TNC: variants seen among roughly 807,000 people sequenced by gnomAD.
TNC encodes tenascin C, also known as tenascin.
TNC carries 109 observed loss-of-function variants against 202.4 expected under a neutral mutation model. That is an observed-to-expected ratio of 0.54 (90% CI 0.46 to 0.63). TNC has a LOEUF of 0.63. Ranked by LOEUF, TNC falls within the 30% of genes least tolerant of loss-of-function variation. The pLI is 0.00. For missense variants in TNC, 2,756 were observed against 2,833.3 expected, an observed-to-expected ratio of 0.97 and a Z score of 0.62; for synonymous variants, 1,007 against 1,089.7, an observed-to-expected ratio of 0.92 and a Z score of 1.50.
chr9:115,114,116 T>A (rs1837279431), intron 1 of TNC, among the ~76,000 whole-genome samples: 2 of 152,222 alleles, frequency 1.3e-5, no homozygotes. Context: ...TGCAGGAGGC[T>A]GGTCATGTCA....
intron 3 of TNC, 70 bp downstream of exon 3, chr9:115,085,794 G>T: frequency 7.1e-7 from 1 of 1,408,340 alleles, no homozygotes; most frequent in Non-Finnish European, 9.6e-7. Context: ...TATAAACGTA[G>T]TTTTCCAACC....
Position 115,040,910 on chromosome 9 carries a change from C to CACAG in TNC, c.5392+30_5392+31insCTGT, listed in dbSNP as rs771254161. On this transcript the variant is annotated intron_variant, in intron 19 of 27. Transcript: ENST00000350763. The stretch of plus-strand genomic sequence containing the variant: ...AAGTGACCTCTGAAAAATAGTAACA[C>CACAG]ACACACACACACACAACCCCACCAA... 28 of 1,553,994 alleles carry CACAG rather than the reference C, an allele frequency of 1.8e-5. No individual in the cohort carries two copies. In the African/African-American group the frequency reaches 3.0e-4, roughly 17 times the overall value.
chr9:115,077,634 T>C (rs1319363283), intron 7 of TNC, among the ~76,000 whole-genome samples: 1 of 152,262 alleles, frequency 6.6e-6, no homozygotes, highest in Non-Finnish European at 1.5e-5. Flanking sequence ...ATGTTTTCCA[T>C]ATACCATATT....
intron 1 of TNC, among the ~76,000 whole-genome samples, chr9:115,091,701 C>G (rs1020015944): frequency 3.3e-5 from 5 of 152,166 alleles, no homozygotes; most frequent in Non-Finnish European, 1.5e-5. Flanking sequence ...TGCTGGTTCT[C>G]TTCTGTCATG....
intron 25 of TNC, among the ~76,000 whole-genome samples, chr9:115,028,903 A>G (rs1829715365): frequency 7.9e-6 from 1 of 126,890 alleles, no homozygotes; most frequent in Non-Finnish European, 1.6e-5. Context: ...TTTAAATACT[A>G]AAGCTCTCAA....
Position 115,019,750 on chromosome 9 carries a change from C to G in TNC, c.*1407G>C, listed in dbSNP as rs1220489199. On this transcript the variant is annotated 3_prime_UTR_variant, in exon 28 of 28. Coordinates refer to ENST00000350763, the MANE Select transcript of TNC (RefSeq NM_002160.4). ...CAAATGGATAACATAATTTATTCTT[C>G]ACAAAAATGTTCTGAAATGAGAAGT... 1 of 152,164 alleles carries G rather than the reference C, an allele frequency of 6.6e-6. No homozygotes were observed. Among genetic ancestry groups the G allele is most frequent in the Non-Finnish European group, 1.5e-5 (1 of 68,034 alleles). The allele number at this position is 152,164 out of a possible 1,614,324, so 9.4% of individuals were successfully genotyped here. A position where few individuals can be genotyped will look rare whatever the true frequency, so the allele number is the denominator to read the frequency against.
At chr9:115,041,315 A>AGG (rs1830737472) in intron 18 of TNC, among the ~76,000 whole-genome samples, 4 of 122,738 alleles carry the variant, frequency 3.3e-5, no homozygotes, top group Non-Finnish European at 5.2e-5. Flanking sequence ...GGGGCGGGGG[A>AGG]AAACATGAAG....
intron 2 of TNC, among the ~76,000 whole-genome samples, 196 bp from the exon 3 acceptor site, chr9:115,087,469 C>T (rs920392778): frequency 6.6e-6 from 1 of 150,978 alleles, no homozygotes; most frequent in Admixed American, 6.6e-5. Flanking sequence ...GAATTCATAA[C>T]CTGAATTCCC....
chr9:115,043,827 T>C (rs1295271886), intron 17 of TNC, among the ~76,000 whole-genome samples: 1 of 152,256 alleles, frequency 6.6e-6, no homozygotes, highest in Non-Finnish European at 1.5e-5. Flanking sequence ...CTCGCACTAT[T>C]GCTTTGACTG....
chr9:115,056,030 C>T (rs1312374298), intron 15 of TNC, among the ~76,000 whole-genome samples: 1 of 152,160 alleles, frequency 6.6e-6, no homozygotes, highest in African/African-American at 2.4e-5. Flanking sequence ...ACCCTGACGA[C>T]AATTTGTAGC....
At chr9:115,021,542 T>C (rs770873371) in intron 27 of TNC, among the ~76,000 whole-genome samples, 1 of 152,190 alleles carries the variant, frequency 6.6e-6, no homozygotes, top group Non-Finnish European at 1.5e-5. Context: ...TCTTTCCTCT[T>C]GAGGCAAAAT....
chr9:115,086,574 C>A lies in TNC; in HGVS notation c.1157G>T (p.Arg386Leu). ...RCPADCHNRG[R>L]CVDGRCECDD... is the part of the protein sequence containing the mutation. ...ACACTCACACCGCCCGTCTACACAG[C>A]GGCCACGATTGTGACAGTCAGCAGG... The change falls in exon 3 of 28, where the codon CGC becomes CTC. Residue 386 changes from arginine to leucine, a missense_variant. Transcript: ENST00000350763. The A allele has an allele frequency of 8.7e-6, 14 of 1,614,120 alleles. No homozygotes were observed. The highest frequency in any genetic ancestry group is 1.1e-5 in the Non-Finnish European group (13 of 1,180,042).
intron 10 of TNC, among the ~76,000 whole-genome samples, chr9:115,067,171 A>G (rs1459238366): frequency 6.6e-6 from 1 of 152,240 alleles, no homozygotes; most frequent in East Asian, 1.9e-4. Flanking sequence ...TTCCCTGGAT[A>G]TAGTGATTAT....
In TNC at chr9:115,021,272, TAAAA is replaced by T. The variant is rs5900112; in HGVS notation, c.6496-9_6496-6del. ...CCAGTGGAACCAGTTAACGCCCTGT[TAAAA>T]AAAAAAAAGAGAGAGAGAGAGAGAG... On this transcript the variant is annotated splice_region_variant and splice_polypyrimidine_tract_variant and intron_variant, in intron 27 of 27. Coordinates refer to ENST00000350763, the MANE Select transcript of TNC (RefSeq NM_002160.4). 3.7e-6 allele frequency: 5 copies of T among 1,334,390 alleles called. No homozygotes were observed. The highest frequency in any genetic ancestry group is 5.1e-6 in the Non-Finnish European group (5 of 985,784). 82.7% of individuals were successfully genotyped at this position (1,334,390 alleles called of 1,614,324 possible).
chr9:115,088,637 A>G (rs1048739918), intron 2 of TNC, among the ~76,000 whole-genome samples: 2 of 152,130 alleles, frequency 1.3e-5, no homozygotes, highest in Non-Finnish European at 2.9e-5. Context: ...TAGTCTCTGT[A>G]CGTAGAAACA....
chr9:115,023,004 C>T (rs534063053), intron 27 of TNC, among the ~76,000 whole-genome samples: 1 of 151,130 alleles, frequency 6.6e-6, no homozygotes, highest in Non-Finnish European at 1.5e-5. Context: ...ACTGCCTCCC[C>T]CCTGACCCCA....
chr9:115,042,853 C>T (rs1259007380), intron 17 of TNC, among the ~76,000 whole-genome samples: 1 of 152,162 alleles, frequency 6.6e-6, no homozygotes, highest in Non-Finnish European at 1.5e-5. Flanking sequence ...TGTGATCTTT[C>T]TGGGTCCCAG....
At chr9:115,107,600 A>G (rs1407210409) in intron 1 of TNC, among the ~76,000 whole-genome samples, 1 of 152,084 alleles carries the variant, frequency 6.6e-6, no homozygotes, top group Non-Finnish European at 1.5e-5. Context: ...GCTTATTTGA[A>G]AATTAATTTG....
Position 115,076,031 on chromosome 9 carries a change from C to T in TNC, c.2950+1G>A, listed in dbSNP as rs113415021. On this transcript the variant is annotated splice_donor_variant, in intron 9 of 27. Transcript: ENST00000350763. LOFTEE classifies it high-confidence loss of function. ...GGATGGGAATTCCAGGTGTGCCCCA[C>T]CTGTGGCTGCGTTGATGGTCGCTGG... is the stretch of plus-strand genomic sequence containing the variant. 6.2e-7 allele frequency: 1 copy of T among 1,613,962 alleles called. No individual in the cohort carries two copies. The highest frequency in any genetic ancestry group is 8.5e-7 in the Non-Finnish European group (1 of 1,179,864).
Sources: allele counts gnomAD v4.1 joint callset (sites outside exome capture counted in the v4.1 genomes callset), GRCh38; gene constraint gnomAD v4.1.1; transcripts MANE v1.5; gene names NCBI Gene and HGNC (gene_info 2026-07-23, HGNC 2026-07-21).